The following KLHL13 variants were observed in gnomAD, a reference collection of about 807,000 sequenced individuals.
KLHL13 encodes the protein kelch like family member 13.
KLHL13 carries 10 observed loss-of-function variants against 37.1 expected under a neutral mutation model. The observed-to-expected ratio is 0.27, with a 90% confidence interval of 0.17 to 0.46. The LOEUF (loss-of-function observed/expected upper bound fraction) is 0.46. Among genes scored for constraint, KLHL13 ranks in the 20% least tolerant of loss-of-function variants. The pLI is 1.00. For synonymous variants in KLHL13, 163 were observed against 181.2 expected (o/e 0.90, Z 0.81); for missense variants, 360 against 509.3 (o/e 0.71, Z 2.82).
chrX:118,033,132 G>C (rs73597433), intron 1 of KLHL13, among the ~76,000 whole-genome samples: 2,526 of 111,358 alleles, frequency 0.023, 77 homozygotes, highest in African/African-American at 0.079. Context: ...ACCTGAAAGT[G>C]AGGGGGGGGA....
At chrX:118,071,469 T>C (rs997060971) in intron 1 of KLHL13, among the ~76,000 whole-genome samples, 2 of 111,913 alleles carry the variant, frequency 1.8e-5, no homozygotes, top group African/African-American at 6.5e-5. Context: ...TGAGATGGTA[T>C]CTCACTGTGG....
At chrX:117,910,179 TAA>T (rs1223114619) in intron 4 of KLHL13, 83 bp from the exon 6 acceptor site, 1 of 636,357 alleles carries the variant, frequency 1.6e-6, no homozygotes, top group African/African-American at 2.2e-5. Flanking sequence ...TGTTCTAGAA[TAA>T]GAGTAAATTA....
chrX:118,035,154 A>T (rs1435071406), intron 1 of KLHL13, among the ~76,000 whole-genome samples: 1 of 105,862 alleles, frequency 9.4e-6, no homozygotes, highest in Non-Finnish European at 1.9e-5. Context: ...GTCGGATTCT[A>T]CCAGAGGTAC....
chrX:118,095,806 A>T (rs2055198265), intron 1 of KLHL13, among the ~76,000 whole-genome samples: 1 of 112,278 alleles, frequency 8.9e-6, no homozygotes, highest in South Asian at 3.7e-4. Flanking sequence ...GTACATAATG[A>T]AATGAAGGCA....
At chrX:118,021,857 G>C (rs2054219429) in intron 1 of KLHL13, among the ~76,000 whole-genome samples, 1 of 111,765 alleles carries the variant, frequency 8.9e-6, no homozygotes, top group Admixed American at 9.5e-5. Flanking sequence ...CCCACCAACA[G>C]TGTAAAAGTG....
chrX:118,074,847 C>T (rs1457823261), intron 1 of KLHL13, among the ~76,000 whole-genome samples: 3 of 111,613 alleles, frequency 2.7e-5, no homozygotes, highest in Non-Finnish European at 3.8e-5. Context: ...TTATCCCTCC[C>T]GAAGTGTTCC....
chrX:118,096,100 C>G (rs1288729096), intron 1 of KLHL13, among the ~76,000 whole-genome samples: 5 of 111,284 alleles, frequency 4.5e-5, no homozygotes, highest in East Asian at 2.8e-4. Context: ...GAAGGAAATA[C>G]AGACACAAAA....
At chrX:118,032,178 T>C (rs1164683954) in intron 1 of KLHL13, among the ~76,000 whole-genome samples, 4 of 110,961 alleles carry the variant, frequency 3.6e-5, no homozygotes, top group Non-Finnish European at 7.5e-5. Flanking sequence ...GCGCCCACCA[T>C]TGCCCAGGCT....
At chrX:118,063,924 TTA>T (rs750753867) in intron 1 of KLHL13, among the ~76,000 whole-genome samples, 6 of 112,091 alleles carry the variant, frequency 5.4e-5, no homozygotes, top group African/African-American at 1.6e-4. Context: ...ACAAAAATTA[TTA>T]TAGTTATTTT....
chrX:118,089,745 T>C lies in KLHL13; in HGVS notation c.-56+26763A>G, dbSNP rs1277779287. Reference sequence around the variant, plus strand: ...TCCAGGTTGCCATCAAAAAAATCATTTGCCATACCAAGAACCAGGAAGATT... The same window carrying C: ...TCCAGGTTGCCATCAAAAAAATCATCTGCCATACCAAGAACCAGGAAGATT... On this transcript the variant is annotated intron_variant, in intron 1 of 6. Transcript: ENST00000371882. Among the ~76,000 whole-genome samples the C allele has an allele frequency of 9.0e-5, 10 of 110,562 alleles. No individual in the cohort carries two copies. The Admixed American group carries it at 9.6e-4, about 11-fold the overall frequency.
At chrX:117,964,580 A>T (rs2053378757) in intron 1 of KLHL13, among the ~76,000 whole-genome samples, 1 of 109,946 alleles carries the variant, frequency 9.1e-6, no homozygotes, top group South Asian at 3.8e-4. Context: ...GGTGATTGAA[A>T]AAGAACTGAG....
intron 1 of KLHL13, among the ~76,000 whole-genome samples, chrX:118,084,761 T>G (rs1045521700): frequency 9.0e-6 from 1 of 111,583 alleles, no homozygotes; most frequent in African/African-American, 3.3e-5. Context: ...GCATGGTGGC[T>G]CACACCTGTA....
chrX:118,057,451 C>T (rs1164480519), intron 1 of KLHL13, among the ~76,000 whole-genome samples: 1 of 112,397 alleles, frequency 8.9e-6, no homozygotes, highest in African/African-American at 3.2e-5. Flanking sequence ...AGACATGACA[C>T]CAAAAGCATG....
At chrX:118,033,035 T>C (rs1384331218) in intron 1 of KLHL13, among the ~76,000 whole-genome samples, 3 of 109,987 alleles carry the variant, frequency 2.7e-5, no homozygotes, top group African/African-American at 1.0e-4. Flanking sequence ...AAGGGAAGTT[T>C]AGAGAAAAAA....
At chrX:118,027,829 G>T (rs1290395414) in intron 1 of KLHL13, among the ~76,000 whole-genome samples, 1 of 111,387 alleles carries the variant, frequency 9.0e-6, no homozygotes, top group African/African-American at 3.3e-5. Flanking sequence ...ATCAGAGCCA[G>T]GATACAGACA....
chrX:118,033,617 T>G (rs2054391020), intron 1 of KLHL13, among the ~76,000 whole-genome samples: 1 of 109,150 alleles, frequency 9.2e-6, no homozygotes, highest in Non-Finnish European at 1.9e-5. Context: ...GAACAACCGG[T>G]ACCAGCTGCT....
chrX:117,990,427 T>A (rs972697575), intron 1 of KLHL13, among the ~76,000 whole-genome samples: 1 of 112,062 alleles, frequency 8.9e-6, no homozygotes, highest in African/African-American at 3.2e-5. Context: ...ATTAGTTTGT[T>A]ACCACCTAGG....
chrX:117,932,102 A>G (rs1422867205), intron 2 of KLHL13, among the ~76,000 whole-genome samples: 2 of 111,478 alleles, frequency 1.8e-5, no homozygotes, highest in East Asian at 5.5e-4. Context: ...GTTTCAATGC[A>G]TGTATACATA....
At chrX:118,082,426 C>G (rs1382336784) in intron 1 of KLHL13, among the ~76,000 whole-genome samples, 1 of 111,290 alleles carries the variant, frequency 9.0e-6, no homozygotes, top group East Asian at 2.8e-4. Flanking sequence ...AACAGCTCTT[C>G]CGCTCTTTTG....
Sources: gnomAD v4.1 joint callset for allele counts (sites outside exome capture counted in the v4.1 genomes callset) on GRCh38, gnomAD v4.1.1 for gene constraint, MANE v1.5 for transcripts, NCBI Gene and HGNC (gene_info 2026-07-23, HGNC 2026-07-21) for gene names.